Variants in SLC25A26 observed in about 807,000 individuals in gnomAD.
SLC25A26 encodes the protein mitochondrial S-adenosylmethionine carrier protein.
A neutral mutation model predicts 37.8 loss-of-function variants in SLC25A26; 36 were observed. That is an observed-to-expected ratio of 0.95 (90% CI 0.73 to 1.26). SLC25A26 has a LOEUF of 1.26. Ranked by LOEUF, SLC25A26 falls within the 50% of genes most tolerant of loss-of-function variation. SLC25A26 has a pLI of 0.00. For synonymous variants in SLC25A26, 129 were observed against 122.5 expected (o/e 1.05, Z -0.35); for missense variants, 390 against 331.1 (o/e 1.18, Z -1.38).
rs537550339 is a variant in SLC25A26 at position 66,262,814 on chromosome 3, T to C, written c.406-518T>C. 3.9e-5 allele frequency among the ~76,000 whole-genome samples: 6 copies of C among 152,360 alleles called. No homozygotes were observed. The South Asian group carries it at 6.2e-4, about 16-fold the overall frequency. ...CTAGTATAACTTCCCCGTTGAACTATGTGGATGGTTAATCCAGGGTTGTCT... is the reference window on the plus strand; with the variant it reads ...CTAGTATAACTTCCCCGTTGAACTACGTGGATGGTTAATCCAGGGTTGTCT... On this transcript the variant is annotated intron_variant, in intron 4 of 9. Coordinates refer to ENST00000354883, the MANE Select transcript of SLC25A26 (RefSeq NM_001379210.1).
intron 1 of SLC25A26, among the ~76,000 whole-genome samples, chr3:66,161,290 C>G (rs1473985333): frequency 6.6e-6 from 1 of 152,122 alleles, no homozygotes; most frequent in Non-Finnish European, 1.5e-5. Context: ...TAAACTGGAT[C>G]TGGGCTGTAG....
chr3:66,319,911 G>T (rs796502035), intron 5 of SLC25A26, among the ~76,000 whole-genome samples: 1 of 151,632 alleles, frequency 6.6e-6, no homozygotes, highest in Non-Finnish European at 1.5e-5. Flanking sequence ...ACACCACCAC[G>T]CCTGGCTAAT....
At chr3:66,282,511 C>T (rs534766208) in intron 5 of SLC25A26, among the ~76,000 whole-genome samples, 15 of 152,252 alleles carry the variant, frequency 9.9e-5, no homozygotes, top group African/African-American at 2.9e-4. Flanking sequence ...TTGTACTCTC[C>T]CTGCCCCAGT....
chr3:66,151,028 T>C (rs959307123), intron 1 of SLC25A26, among the ~76,000 whole-genome samples: 2 of 151,998 alleles, frequency 1.3e-5, no homozygotes, highest in Admixed American at 1.3e-4. Context: ...GGGAAGCAGG[T>C]ACTGTCCTTA....
intron 1 of SLC25A26, among the ~76,000 whole-genome samples, chr3:66,186,899 C>T (rs2070839490): frequency 6.6e-6 from 1 of 152,106 alleles, no homozygotes; most frequent in African/African-American, 2.4e-5. Flanking sequence ...CCTGAGCTTG[C>T]TTGTGAACTT....
intron 1 of SLC25A26, among the ~76,000 whole-genome samples, chr3:66,223,534 G>A (rs150159218): frequency 0.063 from 9,599 of 152,196 alleles, 356 homozygotes; most frequent in African/African-American, 0.11. Flanking sequence ...CTTGGAGTGC[G>A]TTTGAGACAC....
chr3:66,341,349 G>C (rs2076205149), intron 5 of SLC25A26, among the ~76,000 whole-genome samples: 1 of 152,112 alleles, frequency 6.6e-6, no homozygotes, highest in Admixed American at 6.6e-5. Flanking sequence ...GGCTTTAGAA[G>C]TATAGTGAAT....
At chr3:66,251,684 A>C (rs2073091202) in intron 3 of SLC25A26, among the ~76,000 whole-genome samples, 1 of 152,178 alleles carries the variant, frequency 6.6e-6, no homozygotes, top group Non-Finnish European at 1.5e-5. Context: ...TAGTACAGGC[A>C]TGAATGTGCT....
chr3:66,343,497 A>G (rs1002778315), intron 5 of SLC25A26, among the ~76,000 whole-genome samples: 6 of 152,216 alleles, frequency 3.9e-5, no homozygotes, highest in African/African-American at 1.4e-4. Flanking sequence ...TAGTATGGCC[A>G]TTCCAAATGT....
chr3:66,243,163 G>A (rs373280056), intron 2 of SLC25A26, 40 bp from the exon 3 acceptor site: 1 of 1,013,762 alleles, frequency 9.9e-7, no homozygotes, highest in South Asian at 1.4e-5. Context: ...GTGAATATAT[G>A]TTTAAACTTT....
intron 1 of SLC25A26, among the ~76,000 whole-genome samples, chr3:66,183,422 A>C (rs1386172403): frequency 3.3e-5 from 5 of 151,872 alleles, no homozygotes; most frequent in Non-Finnish European, 5.9e-5. Flanking sequence ...CTCACCCTGA[A>C]TCTGATCCTA....
chr3:66,251,888 T>C (rs2073098628), intron 3 of SLC25A26, among the ~76,000 whole-genome samples: 1 of 152,214 alleles, frequency 6.6e-6, no homozygotes, highest in South Asian at 2.1e-4. Flanking sequence ...TATATTTCAT[T>C]GATTTTTTTA....
At chr3:66,170,765 G>T (rs1172179949) in intron 1 of SLC25A26, among the ~76,000 whole-genome samples, 1 of 141,380 alleles carries the variant, frequency 7.1e-6, no homozygotes, top group Non-Finnish European at 1.5e-5. Context: ...CCAGCACACA[G>T]CAAACATTTA....
intron 5 of SLC25A26, among the ~76,000 whole-genome samples, chr3:66,296,328 C>T (rs555708060): frequency 1.8e-4 from 28 of 152,260 alleles, no homozygotes; most frequent in African/African-American, 6.7e-4. Context: ...GATGCTTTTC[C>T]ATGCATGGTT....
rs1288442271 is a variant in SLC25A26, at chr3:66,204,432, AAAAAAAAG to A, written c.-353-16295_-353-16288del. 3.1e-3 allele frequency among the ~76,000 whole-genome samples: 285 copies of A among 93,008 alleles called. 6 individuals are homozygous for A. The highest frequency in any genetic ancestry group is 0.012 in the African/African-American group (200 of 16,322). 61.0% of individuals were successfully genotyped at this position (93,008 alleles called of 152,430 possible). On this transcript the variant is annotated intron_variant, in intron 1 of 10. Coordinates refer to the SLC25A26 transcript ENST00000676754. ...CTGAGTGATACTCCGTCTCAAAAAA[AAAAAAAAG>A]AAAAAAAGAAAAAAGAAAGAAAAAG...
intron 5 of SLC25A26, among the ~76,000 whole-genome samples, chr3:66,345,398 A>G (rs1339935966): frequency 6.7e-6 from 1 of 149,086 alleles, no homozygotes; most frequent in African/African-American, 2.5e-5. Flanking sequence ...TTTTCCCTCC[A>G]CCTGCCCTTG....
intron 1 of SLC25A26, among the ~76,000 whole-genome samples, chr3:66,196,047 A>G (rs2071039639): frequency 6.6e-6 from 1 of 152,218 alleles, no homozygotes; most frequent in South Asian, 2.1e-4. Flanking sequence ...GACTATTGAA[A>G]ATACATTTAT....
intron 5 of SLC25A26, among the ~76,000 whole-genome samples, chr3:66,308,831 T>C (rs1021878548): frequency 6.6e-6 from 1 of 152,200 alleles, no homozygotes; most frequent in Non-Finnish European, 1.5e-5. Context: ...ATGTGATGGA[T>C]TATGTTTATT....
At chr3:66,357,291 A>G (rs1269989088) in intron 6 of SLC25A26, among the ~76,000 whole-genome samples, 2 of 152,166 alleles carry the variant, frequency 1.3e-5, no homozygotes, top group Non-Finnish European at 2.9e-5. Context: ...GCCCTTGCCC[A>G]TAGTCCCAGT....
Sources: gnomAD v4.1 joint callset for allele counts (sites outside exome capture counted in the v4.1 genomes callset) on GRCh38, gnomAD v4.1.1 for gene constraint, MANE v1.5 for transcripts, NCBI Gene and HGNC (gene_info 2026-07-23, HGNC 2026-07-21) for gene names.